The following TMEM41B variants were observed in gnomAD, a reference collection of about 807,000 sequenced individuals.
TMEM41B encodes the protein transmembrane protein 41B.
In TMEM41B, 18 loss-of-function variants were observed where a neutral mutation model predicts 31.9. The ratio of observed to expected loss-of-function variants is 0.56; its 90% CI spans 0.39 to 0.84. TMEM41B has a LOEUF of 0.84. Ranked by LOEUF, TMEM41B falls within the 40% of genes least tolerant of loss-of-function variation. The probability of loss-of-function intolerance (pLI) is 0.00; values close to 1 mark genes in which losing one functional copy is unlikely to be tolerated. For synonymous variants in TMEM41B, 144 were observed against 124.3 expected, an observed-to-expected ratio of 1.16 and a Z score of -1.05; for missense variants, 322 against 348.0, an observed-to-expected ratio of 0.93 and a Z score of 0.59.
rs898655848 is a variant in TMEM41B at position 9,302,138 on chromosome 11, C to A, written c.122-2437G>T. Among the ~76,000 whole-genome samples, 11 of 95,134 alleles carry A rather than the reference C, an allele frequency of 1.2e-4. 3 individuals are homozygous for A. The highest frequency in any genetic ancestry group is 4.5e-4 in the African/African-American group (11 of 24,586). 62.4% of individuals were successfully genotyped at this position (95,134 alleles called of 152,430 possible). ...TCTCCTGCCTCAGCCTCCCGAGTAG[C>A]TAGAACTACAGACACCTGCCACGAT... On this transcript the variant is annotated intron_variant, in intron 1 of 6. Transcript: ENST00000528080.
At position 9,282,539 on chromosome 11, in the gene TMEM41B, A is replaced by G. The variant is rs1852740759; in HGVS notation, c.*885T>C. ...ATCCATGATAAAAATCTAGATGATA[A>G]AAAACAAAAATAAAATTAACAAAAT... On this transcript the variant is annotated 3_prime_UTR_variant, in exon 7 of 7. Transcript: ENST00000528080. 6.6e-6 allele frequency: 1 copy of G among 152,170 alleles called. No individual in the cohort carries two copies. Among genetic ancestry groups the G allele is most frequent in the Admixed American group, 6.6e-5 (1 of 15,252 alleles). The allele number at this position is 152,170 out of a possible 1,614,324, so 9.4% of individuals were successfully genotyped here. A position where few individuals can be genotyped will look rare whatever the true frequency, so the allele number is the denominator to read the frequency against.
intron 1 of TMEM41B, among the ~76,000 whole-genome samples, chr11:9,308,975 G>C (rs1279978346): frequency 6.6e-6 from 1 of 152,066 alleles, no homozygotes; most frequent in Non-Finnish European, 1.5e-5. Flanking sequence ...CTGGCCGGGC[G>C]TGGGGCTAAC....
At chr11:9,310,315 T>C (rs1853525374) in intron 1 of TMEM41B, among the ~76,000 whole-genome samples, 1 of 152,056 alleles carries the variant, frequency 6.6e-6, no homozygotes, top group African/African-American at 2.4e-5. Context: ...ATTACAGGCA[T>C]GAGCCACCAT....
In TMEM41B at chr11:9,302,695, A is replaced by T. The variant is rs1853288476; in HGVS notation, c.122-2994T>A. ...GTAGACTATATGAATCAGCATTATC[A>T]GGAAGCTTGCTGGAAATTCAGATTC... is the stretch of plus-strand genomic sequence containing the variant. On this transcript the variant is annotated intron_variant, in intron 1 of 6. Transcript: ENST00000528080. Among the ~76,000 whole-genome samples the T allele has an allele frequency of 2.0e-5, 2 of 101,262 alleles. 1 individual carries two copies. The highest frequency in any genetic ancestry group is 1.9e-4 in the Admixed American group (2 of 10,550). 66.4% of individuals were successfully genotyped at this position (101,262 alleles called of 152,430 possible). A position where few individuals can be genotyped will look rare whatever the true frequency, so the allele number is the denominator to read the frequency against.
chr11:9,287,815 C>G lies in TMEM41B; in HGVS notation c.463-9G>C. 2.5e-6 allele frequency: 4 copies of G among 1,585,712 alleles called. No homozygotes were observed. The highest frequency in any genetic ancestry group is 3.4e-6 in the Non-Finnish European group (4 of 1,161,870). ...GCACCAAGTCCAGAACACTGGAAAA[C>G]AAAAGAAGCCATAAGCGTTTTGTAT... On this transcript the variant is annotated splice_polypyrimidine_tract_variant and intron_variant, in intron 4 of 6. Coordinates refer to ENST00000528080, the MANE Select transcript of TMEM41B (RefSeq NM_015012.4).
intron 3 of TMEM41B, 155 bp downstream of exon 3, chr11:9,295,104 A>T: frequency 9.9e-7 from 1 of 1,008,142 alleles, no homozygotes; most frequent in Non-Finnish European, 1.3e-6. Flanking sequence ...GATTAAAGTG[A>T]TAATTTTTTT....
At chr11:9,309,314 C>T (rs1372315039) in intron 1 of TMEM41B, among the ~76,000 whole-genome samples, 2 of 152,064 alleles carry the variant, frequency 1.3e-5, no homozygotes, top group South Asian at 2.1e-4. Context: ...CCTGATGCCA[C>T]CAAATCCTAC....
chr11:9,294,976 T>C, intron 3 of TMEM41B: 3 of 237,432 alleles, frequency 1.3e-5, no homozygotes, highest in Middle Eastern at 1.6e-3. Context: ...ATCAAACCCA[T>C]AAAATAAACA....
chr11:9,301,252 G>A (rs1853249806), intron 1 of TMEM41B, among the ~76,000 whole-genome samples: 1 of 151,968 alleles, frequency 6.6e-6, no homozygotes, highest in South Asian at 2.1e-4. Flanking sequence ...AAAATTAGCT[G>A]GGCATGGTGG....
In TMEM41B at chr11:9,292,008, C is replaced by A. The variant is rs530594970; in HGVS notation, c.368+3251G>T. On this transcript the variant is annotated intron_variant, in intron 3 of 6. Transcript: ENST00000528080. ...GGTGTTAGCCACCGTGCCTGGCCTC[C>A]TTTTCTTTTTAACATAAATATGATA... Among the ~76,000 whole-genome samples, 4 of 152,180 alleles carry A rather than the reference C, an allele frequency of 2.6e-5. No individual in the cohort carries two copies. In the East Asian group the frequency reaches 7.7e-4, roughly 29 times the overall value.
At position 9,291,351 on chromosome 11, in the gene TMEM41B, C is replaced by A. The variant is rs533343758; in HGVS notation, c.369-2816G>T. Among the ~76,000 whole-genome samples, 17 of 151,914 alleles carry A rather than the reference C, an allele frequency of 1.1e-4. No individual in the cohort carries two copies. In the East Asian group the frequency reaches 2.9e-3, roughly 26 times the overall value. Reference sequence around the variant, plus strand: ...GGGCCGAGATCGCGTCGCTACACTCCAGCCTGGGAAACAGAGTGAGACTCC... The same window carrying A: ...GGGCCGAGATCGCGTCGCTACACTCAAGCCTGGGAAACAGAGTGAGACTCC... On this transcript the variant is annotated intron_variant, in intron 3 of 6. Transcript: ENST00000528080.
chr11:9,298,286 G>A (rs930671246), intron 2 of TMEM41B, among the ~76,000 whole-genome samples: 7 of 145,572 alleles, frequency 4.8e-5, no homozygotes, highest in South Asian at 2.2e-4. Flanking sequence ...TGGCAAAACC[G>A]CATCTCTACT....
At chr11:9,284,768 G>C (rs1370177446) in intron 6 of TMEM41B, among the ~76,000 whole-genome samples, 1 of 30,078 alleles carries the variant, frequency 3.3e-5, no homozygotes, top group East Asian at 1.8e-3. Flanking sequence ...GTCTCAAAAA[G>C]AGAAAAAAAA....
intron 6 of TMEM41B, among the ~76,000 whole-genome samples, chr11:9,285,825 A>AG (rs1217569918): frequency 2.0e-5 from 3 of 152,088 alleles, no homozygotes; most frequent in African/African-American, 7.2e-5. Flanking sequence ...AAAAAAAAAA[A>AG]AAAAGAAAGG....
intron 4 of TMEM41B, chr11:9,288,066 G>A: frequency 2.3e-6 from 1 of 442,482 alleles, no homozygotes; most frequent in Non-Finnish European, 4.0e-6. Context: ...TTTAGCCTAA[G>A]AATAAAATTT....
chr11:9,313,277 G>A (rs1853606276), intron 1 of TMEM41B, among the ~76,000 whole-genome samples: 1 of 133,418 alleles, frequency 7.5e-6, no homozygotes, highest in South Asian at 2.8e-4. Context: ...AAAACATAAG[G>A]CTGACAGAGC....
chr11:9,289,621 C>T (rs1234849320), intron 3 of TMEM41B, among the ~76,000 whole-genome samples: 2 of 152,196 alleles, frequency 1.3e-5, no homozygotes, highest in African/African-American at 4.8e-5. Context: ...TCCTATCCAG[C>T]TACCGCTCAT....
intron 3 of TMEM41B, among the ~76,000 whole-genome samples, chr11:9,291,704 CT>C (rs999879158): frequency 3.4e-5 from 5 of 146,920 alleles, no homozygotes; most frequent in Admixed American, 6.8e-5. Context: ...CGGCCAATTC[CT>C]TTTTTTTTCC....
intron 6 of TMEM41B, among the ~76,000 whole-genome samples, chr11:9,285,371 C>T (rs1189686355): frequency 2.6e-5 from 4 of 152,162 alleles, no homozygotes; most frequent in Non-Finnish European, 5.9e-5. Context: ...GCGTGAACCA[C>T]CGCGCCCGGC....
Sources: gnomAD v4.1 joint callset for allele counts (sites outside exome capture counted in the v4.1 genomes callset) on GRCh38, gnomAD v4.1.1 for gene constraint, MANE v1.5 for transcripts, NCBI Gene and HGNC (gene_info 2026-07-23, HGNC 2026-07-21) for gene names.